The following MCCC1 variants were observed in gnomAD, a reference collection of about 807,000 sequenced individuals.
The protein encoded by MCCC1 is methylcrotonyl-CoA carboxylase subunit 1, also known as methylcrotonoyl-CoA carboxylase subunit alpha, mitochondrial.
A neutral mutation model predicts 83.8 loss-of-function variants in MCCC1; 64 were observed. The ratio of observed to expected loss-of-function variants is 0.76; its 90% CI spans 0.62 to 0.94. The LOEUF (loss-of-function observed/expected upper bound fraction) is 0.94, where lower values mean the gene tolerates loss of function less well. MCCC1 is among the 40% of genes least tolerant of loss of function. The pLI, the probability that MCCC1 is intolerant of heterozygous loss-of-function variation, is 0.00. For synonymous variants in MCCC1, 322 were observed against 315.4 expected (o/e 1.02, Z -0.22); for missense variants, 807 against 904.7 (o/e 0.89, Z 1.39).
upstream of MCCC1, among the ~76,000 whole-genome samples, chr3:183,100,142 T>C (rs1180321602): frequency 5.3e-5 from 8 of 152,036 alleles, no homozygotes; most frequent in South Asian, 1.7e-3. Context: ...AAAAATAAAA[T>C]AGTTATCTAA....
intron 13 of MCCC1, among the ~76,000 whole-genome samples, chr3:183,036,224 T>C (rs929683824): frequency 8.5e-5 from 13 of 152,152 alleles, no homozygotes; most frequent in Admixed American, 6.5e-5. Flanking sequence ...GCAATGCATA[T>C]GTGTGGTAGC....
At chr3:183,088,891 A>C (rs1479274638) in intron 3 of MCCC1, among the ~76,000 whole-genome samples, 3 of 152,140 alleles carry the variant, frequency 2.0e-5, no homozygotes, top group African/African-American at 7.2e-5. Flanking sequence ...TCATTTAATC[A>C]TGTATCTCTT....
intron 7 of MCCC1, among the ~76,000 whole-genome samples, chr3:183,069,206 C>A (rs933137574): frequency 1.3e-5 from 2 of 152,130 alleles, no homozygotes; most frequent in African/African-American, 2.4e-5. Flanking sequence ...ACTACCAGGT[C>A]TTTGATTCCC....
Position 183,113,446 on chromosome 3 carries a change from A to T in MCCC1, c.-102+2028T>A, listed in dbSNP as rs560990004. ...GGGGGGAGGGGGGACGGATAGCATT[A>T]GGAGATATACCTAATGTAAATGACG... On this transcript the variant is annotated intron_variant, in intron 1 of 17. Transcript: ENST00000492597. Among the ~76,000 whole-genome samples, 28 of 151,710 alleles carry T rather than the reference A, an allele frequency of 1.8e-4. No individual in the cohort carries two copies. In the South Asian group the frequency reaches 4.4e-3, roughly 24 times the overall value.
At position 183,039,296 on chromosome 3, in the gene MCCC1, G is replaced by A. The variant is rs2270967; in HGVS notation, c.1268-161C>T. ...ATTCATGAGGACCCTGAGGTTCAGA[G>A]GGCTTTGAAAACTCACCAGGTGTAA... is the stretch of plus-strand genomic sequence containing the variant. On this transcript the variant is annotated intron_variant, in intron 11 of 18. Coordinates refer to ENST00000265594, the MANE Select transcript of MCCC1 (RefSeq NM_020166.5). Among the ~76,000 whole-genome samples the A allele has an allele frequency of 0.5, 76,387 of 152,098 alleles. 23,956 individuals are homozygous for A. The highest frequency in any genetic ancestry group is 0.71 in the Non-Finnish European group (48,114 of 67,990).
intron 4 of MCCC1, among the ~76,000 whole-genome samples, chr3:183,072,974 A>C (rs540870594): frequency 5.9e-5 from 9 of 152,238 alleles, no homozygotes; most frequent in Non-Finnish European, 1.0e-4. Context: ...TTCACCTAGC[A>C]TAATGTTTTC....
In MCCC1 at chr3:183,015,409, T is replaced by A; in HGVS notation, c.*29A>T. On this transcript the variant is annotated 3_prime_UTR_variant, in exon 19 of 19. Transcript: ENST00000265594. ...TCTTTTTGGTGGAGAGAGAAGACAC[T>A]ACTTAACTGGCCATTTCCTTGCTGG... 1 of 1,613,708 alleles carries A rather than the reference T, an allele frequency of 6.2e-7. No homozygotes were observed. Among genetic ancestry groups the A allele is most frequent in the Non-Finnish European group, 8.5e-7 (1 of 1,179,740 alleles).
In MCCC1 at chr3:183,061,601, C is replaced by T. The variant is rs543575447; in HGVS notation, c.762-4179G>A. On this transcript the variant is annotated intron_variant, in intron 7 of 18. Transcript: ENST00000265594. ...TTAGCCTCAGCCATTTTTCAAAATT[C>T]CCATGCAAGTGTTAGGGCTCCAGCA... 9.7e-4 allele frequency among the ~76,000 whole-genome samples: 147 copies of T among 152,244 alleles called. 2 individuals are homozygous for T. Among genetic ancestry groups the T allele is most frequent in the African/African-American group, 3.4e-3 (140 of 41,544 alleles).
At chr3:183,056,954 C>G (rs1235107915) in intron 8 of MCCC1, among the ~76,000 whole-genome samples, 4 of 152,224 alleles carry the variant, frequency 2.6e-5, no homozygotes, top group Non-Finnish European at 5.9e-5. Flanking sequence ...CTCGGCCTCC[C>G]AAAGGGCTGG....
intron 14 of MCCC1, among the ~76,000 whole-genome samples, chr3:183,028,567 T>C (rs764646791): frequency 2.1e-4 from 32 of 152,334 alleles, no homozygotes; most frequent in East Asian, 3.9e-4. Flanking sequence ...TTGTGATTCA[T>C]GGAAGGAGGT....
rs555799829 is a variant in MCCC1, at chr3:183,025,329, T to C, written c.1731+426A>G. On this transcript the variant is annotated intron_variant, in intron 15 of 18. Coordinates refer to ENST00000265594, the MANE Select transcript of MCCC1 (RefSeq NM_020166.5). ...TTCACCACAATTAAAAAATTAGAAA[T>C]TAAATTTTCTCAGTTAAATTGTCTA... is the stretch of plus-strand genomic sequence containing the variant. Among the ~76,000 whole-genome samples the C allele has an allele frequency of 7.9e-5, 12 of 152,334 alleles. 1 individual carries two copies. In the South Asian group the frequency reaches 1.4e-3, roughly 18 times the overall value.
At chr3:183,094,435 G>T (rs926242939) in intron 2 of MCCC1, 124 bp downstream of exon 2, 2 of 939,274 alleles carry the variant, frequency 2.1e-6, no homozygotes, top group Non-Finnish European at 3.4e-6. Flanking sequence ...GAAAATTATC[G>T]TGAAAATCCA....
In MCCC1 at chr3:183,047,716, A is replaced by T. The variant is rs540378059; in HGVS notation, c.956-2176T>A. On this transcript the variant is annotated intron_variant, in intron 9 of 18. Coordinates refer to ENST00000265594, the MANE Select transcript of MCCC1 (RefSeq NM_020166.5). ...AAATGAAGCATGCTTTGATGGGCTC[A>T]TTAGTACGTTGGGTATGGCAGGGAA... is the stretch of plus-strand genomic sequence containing the variant. Among the ~76,000 whole-genome samples, 4 of 152,224 alleles carry T rather than the reference A, an allele frequency of 2.6e-5. No individual in the cohort carries two copies. The South Asian group carries it at 8.3e-4, about 32-fold the overall frequency.
intron 1 of MCCC1, among the ~76,000 whole-genome samples, chr3:183,110,115 A>G (rs907082886): frequency 6.6e-6 from 1 of 152,088 alleles, no homozygotes; most frequent in African/African-American, 2.4e-5. Flanking sequence ...TTGCTAGTTT[A>G]ATTAAGTTCC....
intron 11 of MCCC1, 107 bp from the exon 12 acceptor site, chr3:183,039,242 C>T (rs1388885095): frequency 9.6e-7 from 1 of 1,041,386 alleles, no homozygotes; most frequent in Admixed American, 2.0e-5. Flanking sequence ...CCTCATAAAC[C>T]CCTGCATGAT....
chr3:183,059,895 TC>T (rs1431590388), intron 7 of MCCC1, among the ~76,000 whole-genome samples: 1 of 152,212 alleles, frequency 6.6e-6, no homozygotes, highest in Non-Finnish European at 1.5e-5. Context: ...CCTTGTGGCT[TC>T]TTTCAGTATT....
At chr3:183,049,785 T>C (rs2108493085) in intron 9 of MCCC1, among the ~76,000 whole-genome samples, 2 of 152,156 alleles carry the variant, frequency 1.3e-5, no homozygotes, top group East Asian at 3.9e-4. Flanking sequence ...AATGAACCAA[T>C]TCCTTCAAAG....
intron 4 of MCCC1, among the ~76,000 whole-genome samples, chr3:183,079,072 A>G (rs1261510642): frequency 6.6e-6 from 1 of 152,224 alleles, no homozygotes; most frequent in Non-Finnish European, 1.5e-5. Context: ...GAATTGTGAG[A>G]GTTACAATTG....
At chr3:183,034,419 G>A (rs865915370) in intron 13 of MCCC1, among the ~76,000 whole-genome samples, 12 of 145,430 alleles carry the variant, frequency 8.3e-5, no homozygotes, top group Admixed American at 4.2e-4. Flanking sequence ...CCACTGCACC[G>A]GATCCAGCCT....
Sources: gnomAD v4.1 joint callset for allele counts (sites outside exome capture counted in the v4.1 genomes callset) on GRCh38, gnomAD v4.1.1 for gene constraint, MANE v1.5 for transcripts, NCBI Gene and HGNC (gene_info 2026-07-23, HGNC 2026-07-21) for gene names.